The following ST6GALNAC3 variants were observed in gnomAD, a reference collection of about 807,000 sequenced individuals.
ST6GALNAC3 encodes the protein alpha-N-acetylgalactosaminide alpha-2,6-sialyltransferase 3.
Under a neutral mutation model 32.7 loss-of-function variants are expected in ST6GALNAC3, and 25 were observed. The observed-to-expected ratio is 0.76, with a 90% CI of 0.56 to 1.07. The LOEUF (loss-of-function observed/expected upper bound fraction) is 1.07, where lower values mean the gene tolerates loss of function less well. Ranked by LOEUF, ST6GALNAC3 falls within the 50% of genes least tolerant of loss-of-function variation. The pLI is 0.00. For missense variants in ST6GALNAC3, 355 were observed against 382.4 expected (o/e 0.93, Z 0.60); for synonymous variants, 129 against 133.1 (o/e 0.97, Z 0.21).
chr1:76,103,768 C>T (rs989081166), intron 1 of ST6GALNAC3, among the ~76,000 whole-genome samples: 17 of 152,174 alleles, frequency 1.1e-4, no homozygotes, highest in African/African-American at 3.9e-4. Context: ...CTCCATTTCA[C>T]ATGGCCTTCT....
intron 4 of ST6GALNAC3, among the ~76,000 whole-genome samples, 154 bp from the exon 5 acceptor site, chr1:76,628,466 A>T (rs1649113984): frequency 6.6e-6 from 1 of 152,002 alleles, no homozygotes; most frequent in South Asian, 2.1e-4. Flanking sequence ...AAAAGCTTTC[A>T]TACATATAAT....
At chr1:76,394,682 C>T (rs6665773) in intron 2 of ST6GALNAC3, among the ~76,000 whole-genome samples, 151,676 of 152,328 alleles carry the variant, frequency 1, 75,517 homozygotes, top group East Asian at 1. Context: ...CAAGCACTTG[C>T]TTGTTTAGAT....
rs1653769358 is a variant in ST6GALNAC3, at chr1:76,405,589, GTGTGTGTGTGTGTGTGTATT to G, written c.214-6401_214-6382del. On this transcript the variant is annotated intron_variant, in intron 2 of 4. Coordinates refer to ENST00000328299, the MANE Select transcript of ST6GALNAC3 (RefSeq NM_152996.4). Reference sequence around the variant, plus strand: ...CATCAGCTAAGTGAAGGTAACAGATGTGTGTGTGTGTGTGTGTATTTGTGTGTGTGTGTGTGTGGTGTGAA... The same window carrying G: ...CATCAGCTAAGTGAAGGTAACAGATGTGTGTGTGTGTGTGTGTGGTGTGAA... Among the ~76,000 whole-genome samples, 4 of 126,042 alleles carry G rather than the reference GTGTGTGTGTGTGTGTGTATT, an allele frequency of 3.2e-5. No homozygotes were observed. In the South Asian group the frequency reaches 1.2e-3, roughly 38 times the overall value. 82.7% of individuals were successfully genotyped at this position (126,042 alleles called of 152,430 possible). A position where few individuals can be genotyped will look rare whatever the true frequency, so the allele number is the denominator to read the frequency against.
In ST6GALNAC3 at chr1:76,111,755, G is replaced by A. The variant is rs1445101839; in HGVS notation, c.18+36871G>A. On this transcript the variant is annotated intron_variant, in intron 1 of 4. Coordinates refer to ENST00000328299, the MANE Select transcript of ST6GALNAC3 (RefSeq NM_152996.4). ...TGTTTCAGAGAGCACAGGGTTGGGG[G>A]TAAGGTCACAGATCAACAGGATCCC... is the stretch of plus-strand genomic sequence containing the variant. 3.7e-4 allele frequency among the ~76,000 whole-genome samples: 56 copies of A among 150,200 alleles called. 1 individual carries two copies. Among genetic ancestry groups the A allele is most frequent in the South Asian group, 2.1e-4 (1 of 4,668 alleles).
chr1:76,496,915 G>A (rs184231435), intron 3 of ST6GALNAC3, among the ~76,000 whole-genome samples: 8 of 152,120 alleles, frequency 5.3e-5, no homozygotes, highest in South Asian at 2.1e-4. Context: ...CTATGGCTTC[G>A]GGTGGGAGCT....
At chr1:76,390,994 C>T (rs1488922362) in intron 2 of ST6GALNAC3, among the ~76,000 whole-genome samples, 1 of 143,462 alleles carries the variant, frequency 7.0e-6, no homozygotes, top group Non-Finnish European at 1.6e-5. Context: ...GGCTAGAGTG[C>T]AGTGGCACGA....
intron 1 of ST6GALNAC3, among the ~76,000 whole-genome samples, chr1:76,221,301 A>G (rs79503415): frequency 7.9e-4 from 120 of 152,330 alleles, no homozygotes; most frequent in African/African-American, 2.6e-3. Flanking sequence ...CTTACGTTTT[A>G]TGGAGCAAAG....
intron 3 of ST6GALNAC3, among the ~76,000 whole-genome samples, chr1:76,575,914 G>A (rs910902607): frequency 6.6e-6 from 1 of 151,864 alleles, no homozygotes; most frequent in South Asian, 2.1e-4. Flanking sequence ...TTACTTAAGG[G>A]CCCCAAGGCA....
intron 3 of ST6GALNAC3, among the ~76,000 whole-genome samples, chr1:76,543,727 A>G (rs1664129050): frequency 6.6e-6 from 1 of 152,158 alleles, no homozygotes; most frequent in African/African-American, 2.4e-5. Flanking sequence ...CACAAAGGCC[A>G]TTTGCATAAC....
chr1:76,446,515 A>G (rs1490362625), intron 3 of ST6GALNAC3, among the ~76,000 whole-genome samples: 1 of 152,090 alleles, frequency 6.6e-6, no homozygotes, highest in South Asian at 2.1e-4. Flanking sequence ...ACCTCTGGCG[A>G]CCACGGATCT....
chr1:76,576,758 A>T (rs936344831), intron 3 of ST6GALNAC3: 1 of 1,043,916 alleles, frequency 9.6e-7, no homozygotes, highest in Non-Finnish European at 1.3e-6. Flanking sequence ...AGGTATAAGG[A>T]ATGAGGGGGT....
chr1:76,254,884 A>G lies in ST6GALNAC3; in HGVS notation c.19-58921A>G, dbSNP rs181946440. ...GTTTTCATAAGGCAACTTGAGCAGG[A>G]ACAATGAAACAGCAAGTGCAAAAAA... is the stretch of plus-strand genomic sequence containing the variant. On this transcript the variant is annotated intron_variant, in intron 1 of 4. Transcript: ENST00000328299. 2.4e-4 allele frequency among the ~76,000 whole-genome samples: 36 copies of G among 152,214 alleles called. 1 individual carries two copies.
intron 3 of ST6GALNAC3, among the ~76,000 whole-genome samples, chr1:76,478,253 C>G (rs1031187900): frequency 6.6e-6 from 1 of 152,308 alleles, no homozygotes; most frequent in East Asian, 1.9e-4. Flanking sequence ...CCTATTTAGA[C>G]TCAGGCTGCC....
At chr1:76,323,638 G>C (rs1647012068) in intron 2 of ST6GALNAC3, among the ~76,000 whole-genome samples, 1 of 151,934 alleles carries the variant, frequency 6.6e-6, no homozygotes, top group African/African-American at 2.4e-5. Context: ...TTTTGCCTAG[G>C]GATAAATAAA....
intron 1 of ST6GALNAC3, among the ~76,000 whole-genome samples, chr1:76,236,091 T>C (rs1408847210): frequency 6.6e-6 from 1 of 151,980 alleles, no homozygotes; most frequent in African/African-American, 2.4e-5. Flanking sequence ...CTCTCTTGCC[T>C]CAGCCACCAT....
chr1:76,098,838 G>A (rs988047189), intron 1 of ST6GALNAC3, among the ~76,000 whole-genome samples: 7 of 151,862 alleles, frequency 4.6e-5, no homozygotes, highest in Admixed American at 3.9e-4. Context: ...TCCTTAAGAA[G>A]TCTTTCACTA....
At chr1:76,248,773 C>A (rs1322835519) in intron 1 of ST6GALNAC3, among the ~76,000 whole-genome samples, 1 of 151,998 alleles carries the variant, frequency 6.6e-6, no homozygotes, top group African/African-American at 2.4e-5. Flanking sequence ...TTCTTTCTCT[C>A]CCATTTCCTC....
intron 3 of ST6GALNAC3, among the ~76,000 whole-genome samples, chr1:76,623,988 T>C (rs935827220): frequency 1.3e-5 from 2 of 151,904 alleles, no homozygotes; most frequent in South Asian, 2.1e-4. Context: ...TAGCTCCAAA[T>C]AGTTAGAGAA....
chr1:76,186,756 G>A (rs151217230), intron 1 of ST6GALNAC3, among the ~76,000 whole-genome samples: 12 of 152,272 alleles, frequency 7.9e-5, no homozygotes, highest in Middle Eastern at 6.8e-3. Context: ...AGCCTCGTGA[G>A]GGGCCCTTCT....
Sources: gnomAD v4.1 joint callset for allele counts (sites outside exome capture counted in the v4.1 genomes callset) on GRCh38, gnomAD v4.1.1 for gene constraint, MANE v1.5 for transcripts, NCBI Gene and HGNC (gene_info 2026-07-23, HGNC 2026-07-21) for gene names.